CIC: variants seen among roughly 807,000 people sequenced by gnomAD.
CIC encodes capicua transcriptional repressor, also known as protein capicua homolog.
In CIC, 18 loss-of-function variants were observed where a neutral mutation model predicts 115.7. The ratio of observed to expected loss-of-function variants is 0.16; its 90% CI spans 0.11 to 0.23. CIC has a LOEUF of 0.23. Ranked by LOEUF, CIC falls within the 10% of genes least tolerant of loss-of-function variation. CIC has a pLI of 1.00. For missense variants in CIC, 2,000 were observed against 2,159.3 expected (o/e 0.93, Z 1.46); for synonymous variants, 1,076 against 923.0 (o/e 1.17, Z -3.01).
In CIC at chr19:42,295,439, C is replaced by T; in HGVS notation, c.*248C>T. ...CCTGTACATAACCTGGAGCGTGTGA[C>T]CTTCAGAGCTTTTCACTTTATGCAA... On this transcript the variant is annotated 3_prime_UTR_variant, in exon 21 of 21. Transcript: ENST00000681038. 1 of 492,308 alleles carries T rather than the reference C, an allele frequency of 2.0e-6. No individual in the cohort carries two copies. 30.5% of individuals were successfully genotyped at this position (492,308 alleles called of 1,614,324 possible). A position where few individuals can be genotyped will look rare whatever the true frequency, so the allele number is the denominator to read the frequency against.
chr19:42,284,687 TC>T (rs763542076), intron 2 of CIC: 50 of 1,538,420 alleles, frequency 3.3e-5, no homozygotes, highest in Non-Finnish European at 4.1e-5. Flanking sequence ...CCCTGCCGGG[TC>T]CCCCCTGCGC....
intron 7 of CIC, 114 bp downstream of exon 7, chr19:42,288,089 AATTTG>A: frequency 7.9e-7 from 1 of 1,264,454 alleles, no homozygotes; most frequent in East Asian, 2.5e-5. Context: ...CTATCGCTTT[AATTTG>A]GCGACCCTTA....
chr19:42,273,506 G>A lies in CIC; in HGVS notation c.1723G>A (p.Ala575Thr), dbSNP rs2036858945. The A allele has an allele frequency of 2.5e-6, 1 of 398,532 alleles. No individual in the cohort carries two copies. The highest frequency in any genetic ancestry group is 4.4e-6 in the Non-Finnish European group (1 of 225,974). The allele number at this position is 398,532 out of a possible 1,614,324, so 24.7% of individuals were successfully genotyped here. The change falls in exon 2 of 21, where the codon GCT becomes ACT. Residue 575 changes from alanine (A) to threonine (T), a missense_variant. By Grantham distance (58) the Ala-to-Thr change is moderately conservative. Transcript: ENST00000681038. ...GGACAGTGAGGCCAGCAGTGTGGCGGCTCGTGGAGACTCACGGCCACGCCT... is the reference window on the plus strand; with the variant it reads ...GGACAGTGAGGCCAGCAGTGTGGCGACTCGTGGAGACTCACGGCCACGCCT... Reference protein sequence around the residue: ...SRDSEASSVAARGDSRPRLVA... With the variant: ...SRDSEASSVATRGDSRPRLVA...
Position 42,270,156 on chromosome 19 carries a change from A to G in CIC, c.-11+775A>G, listed in dbSNP as rs1219110977. Among the ~76,000 whole-genome samples, 1 of 152,184 alleles carries G rather than the reference A, an allele frequency of 6.6e-6. No individual in the cohort carries two copies. The highest frequency in any genetic ancestry group is 1.9e-4 in the East Asian group (1 of 5,200). ...AACTGGAGCCAGATCTCAGTCCCCA[A>G]CATGGTAGTCTAGTGGGTCAGCGGG... is the stretch of plus-strand genomic sequence containing the variant. On this transcript the variant is annotated intron_variant, in intron 1 of 20. Coordinates refer to ENST00000681038, the MANE Select transcript of CIC (RefSeq NM_001386298.1). The surrounding 1 kb of genome is among the most constrained non-coding windows in gnomAD (Gnocchi z 4.1).
Position 42,292,827 on chromosome 19 carries a change from C to G in CIC, c.6164C>G (p.Pro2055Arg). 6.2e-7 allele frequency: 1 copy of G among 1,613,860 alleles called. No individual in the cohort carries two copies. The highest frequency in any genetic ancestry group is 8.5e-7 in the Non-Finnish European group (1 of 1,179,996). Reference sequence around the variant, plus strand: ...CCGCCAGCCCCTGCCACTGCCACCCCAGCCCCGACTAGCCCTTTCCCCAGC... The same window carrying G: ...CCGCCAGCCCCTGCCACTGCCACCCGAGCCCCGACTAGCCCTTTCCCCAGC... ...KGPPAPATAT[P>R]APTSPFPSAT... is the part of the protein sequence containing the mutation. The change falls in exon 15 of 21, where the codon CCA becomes CGA. Residue 2055 changes from proline to arginine, a missense_variant. By Grantham distance (103) the Pro-to-Arg change is moderately radical (BLOSUM62 -2). Around this residue, in one of 8 missense-constraint regions of CIC, gnomAD observed 1,466 missense variants for 1,390.4 expected, o/e 1.05. Transcript: ENST00000681038.
At position 42,280,402 on chromosome 19, in the gene CIC, C is replaced by T. The variant is rs910808314; in HGVS notation, c.2794+5825C>T. On this transcript the variant is annotated intron_variant, in intron 2 of 20. Coordinates refer to ENST00000681038, the MANE Select transcript of CIC (RefSeq NM_001386298.1). The surrounding 1 kb of genome is among the most constrained non-coding windows in gnomAD (Gnocchi z 4.9). ...GGACTGGCACCCAGCGAGGGCCGCG[C>T]CCAGCCCCCGCTGGCACCTAGGGGT... 1.3e-5 allele frequency among the ~76,000 whole-genome samples: 2 copies of T among 152,256 alleles called. No individual in the cohort carries two copies. The highest frequency in any genetic ancestry group is 4.8e-5 in the African/African-American group (2 of 41,562).
At position 42,290,419 on chromosome 19, in the gene CIC, T is replaced by C; in HGVS notation, c.4378T>C (p.Ser1460Pro). The C allele has an allele frequency of 6.2e-7, 1 of 1,613,964 alleles. No homozygotes were observed. Among genetic ancestry groups the C allele is most frequent in the South Asian group, 1.1e-5 (1 of 91,072 alleles). ...CTCAGCCTCGGCAGCCACCTCCTTC[T>C]CACTGGGCTCAGGAACCTTCAAGGC... ...SSSASAATSFSLGSGTFKAQE... is the reference protein window; with the variant it reads ...SSSASAATSFPLGSGTFKAQE... Residue 1460 changes from serine (S) to proline (P), a missense_variant, in exon 11 of 21, where the codon TCA (serine) becomes CCA (proline). Transcript: ENST00000681038.
chr19:42,293,514 A>G, intron 16 of CIC, 78 bp from the exon 17 acceptor site: 1 of 1,607,968 alleles, frequency 6.2e-7, no homozygotes, highest in East Asian at 2.2e-5. Context: ...GCGGGCTCAG[A>G]TCCAACTCTT....
In CIC at chr19:42,284,693, C is replaced by G. The variant is rs1341052237; in HGVS notation, c.2795-2078C>G. ...GGTGCGAGCCCCTGCCGGGTCCCCC[C>G]TGCGCCGGACCATGTATTCGGCCCA... On this transcript the variant is annotated intron_variant, in intron 2 of 20. Transcript: ENST00000681038. 4 of 1,542,914 alleles carry G rather than the reference C, an allele frequency of 2.6e-6. No homozygotes were observed. In the South Asian group the frequency reaches 4.7e-5, roughly 18 times the overall value.
At chr19:42,279,095 G>A (rs2037107442) in intron 2 of CIC, among the ~76,000 whole-genome samples, 1 of 152,232 alleles carries the variant, frequency 6.6e-6, no homozygotes, top group Admixed American at 6.5e-5. Context: ...GCACCCCAAT[G>A]GGTAGGGCCT....
In CIC at chr19:42,292,362, G is replaced by C. The variant is rs376118095; in HGVS notation, c.5798G>C (p.Ser1933Thr). Residue 1933 changes from serine to threonine, a missense_variant, in exon 14 of 21, where the codon AGC becomes ACC. By Grantham distance (58) the Ser-to-Thr change is moderately conservative (BLOSUM62 1). Around this residue, in one of 8 missense-constraint regions of CIC, gnomAD observed 1,466 missense variants for 1,390.4 expected, o/e 1.05. Coordinates refer to ENST00000681038, the MANE Select transcript of CIC (RefSeq NM_001386298.1). ...ALPLGTSPAS[S>T]QAGTVTSYGP... ...CCCCTGGGTACCAGCCCTGCGTCCA[G>C]CCAGGCTGGAACAGTCACCTCGTAC... The C allele has an allele frequency of 3.7e-6, 6 of 1,612,922 alleles. 1 individual carries two copies. The African/African-American group carries it at 8.0e-5, about 21-fold the overall frequency.
intron 10 of CIC, 52 bp downstream of exon 10, chr19:42,290,003 G>A: frequency 1.3e-6 from 2 of 1,500,308 alleles, no homozygotes; most frequent in Non-Finnish European, 1.8e-6. Flanking sequence ...CTAAGCCATG[G>A]GAATGTCTGT....
In CIC at chr19:42,294,298, C is replaced by G. The variant is rs142012810; in HGVS notation, c.7048C>G (p.Arg2350Gly). The G allele has an allele frequency of 6.2e-7, 1 of 1,613,128 alleles. No homozygotes were observed. The change falls in exon 19 of 21, where the codon CGT becomes GGT. Residue 2350 changes from arginine to glycine, a missense_variant. By Grantham distance (125) the Arg-to-Gly change is moderately radical. This residue lies in a region of CIC where 99 missense variants were observed against 217.6 expected (regional missense o/e 0.45). Coordinates refer to ENST00000681038, the MANE Select transcript of CIC (RefSeq NM_001386298.1). ...KCEGDIFTFD[R>G]TGTEAEDVLG... ...CGAGGGGGACATCTTCACCTTTGACCGTACAGGTGCCGTGGTGGGCAGAAC... is the reference window on the plus strand; with the variant it reads ...CGAGGGGGACATCTTCACCTTTGACGGTACAGGTGCCGTGGTGGGCAGAAC...
At position 42,289,010 on chromosome 19, in the gene CIC, C is replaced by T. The variant is rs2037870699; in HGVS notation, c.3781C>T (p.Pro1261Ser). The change falls in exon 8 of 21, where the codon CCC becomes TCC. Residue 1261 changes from proline (P) to serine (S), a missense_variant. By Grantham distance (74) the Pro-to-Ser change is moderately conservative. Around this residue, in one of 8 missense-constraint regions of CIC, gnomAD observed 1,466 missense variants for 1,390.4 expected, o/e 1.05. Transcript: ENST00000681038. ...AGTTGGGGGACCTGGCTCAGCCCGG[C>T]CCCGAGCTTTCTCCCACAGCGGGGT... ...HTVGGPGSAR[P>S]RAFSHSGVHS... 6.2e-7 allele frequency: 1 copy of T among 1,613,852 alleles called. No individual in the cohort carries two copies. Among genetic ancestry groups the T allele is most frequent in the Non-Finnish European group, 8.5e-7 (1 of 1,180,040 alleles).
chr19:42,292,866 G>A lies in CIC; in HGVS notation c.6196+7G>A, dbSNP rs745382533. 6.2e-7 allele frequency: 1 copy of A among 1,613,862 alleles called. No homozygotes were observed. Among genetic ancestry groups the A allele is most frequent in the Non-Finnish European group, 8.5e-7 (1 of 1,180,002 alleles). On this transcript the variant is annotated splice_region_variant and intron_variant, in intron 15 of 20. Transcript: ENST00000681038. ...CCTTTCCCCAGCGCCACAGGTAGGT[G>A]TCAGATCAACCCAGAGCAGAGTGAG...
In CIC at chr19:42,295,554, C is replaced by A; in HGVS notation, c.*363C>A. The A allele has an allele frequency of 3.8e-6, 1 of 263,486 alleles. No individual in the cohort carries two copies. Among genetic ancestry groups the A allele is most frequent in the Non-Finnish European group, 7.3e-6 (1 of 137,332 alleles). 16.3% of individuals were successfully genotyped at this position (263,486 alleles called of 1,614,324 possible). ...GTGGAATAGGGGGAGTTCATGCACC[C>A]CTTTTTTCCCCAGAGGGGCTGGACT... On this transcript the variant is annotated 3_prime_UTR_variant, in exon 21 of 21. Coordinates refer to ENST00000681038, the MANE Select transcript of CIC (RefSeq NM_001386298.1).
chr19:42,291,180 G>A lies in CIC; in HGVS notation c.5139G>A (p.Gly1713=), dbSNP rs1323257499. ...SGAGAGSGPN[G]PVPLGILQPG... Reference sequence around the variant, plus strand: ...CAGGTGCTGGGAGTGGCCCCAATGGGCCAGTACCCCTGGGCATCCTGCAAC... The same window carrying A: ...CAGGTGCTGGGAGTGGCCCCAATGGACCAGTACCCCTGGGCATCCTGCAAC... Residue 1713 remains glycine (G), a synonymous_variant, in exon 11 of 21, where the codon GGG becomes GGA. Coordinates refer to ENST00000681038, the MANE Select transcript of CIC (RefSeq NM_001386298.1). The A allele has an allele frequency of 1.9e-6, 3 of 1,609,580 alleles. No individual in the cohort carries two copies. The highest frequency in any genetic ancestry group is 2.5e-6 in the Non-Finnish European group (3 of 1,177,924).
In CIC at chr19:42,287,475, C is replaced by T. The variant is rs921491201; in HGVS notation, c.3309+26C>T. 1 of 1,612,290 alleles carries T rather than the reference C, an allele frequency of 6.2e-7. No homozygotes were observed. The highest frequency in any genetic ancestry group is 8.5e-7 in the Non-Finnish European group (1 of 1,180,022). Reference sequence around the variant, plus strand: ...GTACTTTATCCCTGCCTGTCCTGTGCTCACCCCGTGGCCACCCACACCTGT... The same window carrying T: ...GTACTTTATCCCTGCCTGTCCTGTGTTCACCCCGTGGCCACCCACACCTGT... On this transcript the variant is annotated intron_variant, in intron 5 of 20. Transcript: ENST00000681038. The surrounding 1 kb of genome is among the most constrained non-coding windows in gnomAD (Gnocchi z 8.7).
Position 42,287,444 on chromosome 19 carries a change from A to C in CIC, c.3304A>C (p.Asn1102His). 6.2e-7 allele frequency: 1 copy of C among 1,613,412 alleles called. No individual in the cohort carries two copies. The highest frequency in any genetic ancestry group is 2.2e-5 in the East Asian group (1 of 44,882). ...SSSEKDGRSP[N>H]KREKDHIRRP... ...TTCTGAGAAGGATGGACGCAGCCCCAACAAGGTACTTTATCCCTGCCTGTC... is the reference window on the plus strand; with the variant it reads ...TTCTGAGAAGGATGGACGCAGCCCCCACAAGGTACTTTATCCCTGCCTGTC... The change falls in exon 5 of 21, where the codon AAC becomes CAC. Residue 1102 changes from asparagine to histidine, a missense_variant. By Grantham distance (68) the Asn-to-His change is moderately conservative. Around this residue, in one of 8 missense-constraint regions of CIC, gnomAD observed 222 missense variants for 247.7 expected, o/e 0.90. Transcript: ENST00000681038. The surrounding 1 kb of genome is among the most constrained non-coding windows in gnomAD (Gnocchi z 8.7).
Sources: gnomAD v4.1 joint callset for allele counts (sites outside exome capture counted in the v4.1 genomes callset) on GRCh38, gnomAD v4.1.1 for gene constraint, gnomAD v4.1.1 regional missense constraint, Gnocchi (gnomAD v3.1) non-coding constraint, MANE v1.5 for transcripts, NCBI Gene and HGNC (gene_info 2026-07-23, HGNC 2026-07-21) for gene names.